PDE10A: variants seen among roughly 807,000 people sequenced by gnomAD.
PDE10A encodes the protein cAMP and cAMP-inhibited cGMP 3',5'-cyclic phosphodiesterase 10A.
A neutral mutation model predicts 97.7 loss-of-function variants in PDE10A; 39 were observed. That is an observed-to-expected ratio of 0.40 (90% CI 0.31 to 0.52). The LOEUF is 0.52. Ranked by LOEUF, PDE10A falls within the 20% of genes least tolerant of loss-of-function variation. The pLI, the probability that PDE10A is intolerant of heterozygous loss-of-function variation, is 0.56. For missense variants in PDE10A, 731 were observed against 1,047.8 expected, an observed-to-expected ratio of 0.70 and a Z score of 4.17; for synonymous variants, 371 against 376.8, an observed-to-expected ratio of 0.98 and a Z score of 0.18.
chr6:165,618,642 A>T (rs1283811869), intron 1 of PDE10A, among the ~76,000 whole-genome samples: 1 of 152,166 alleles, frequency 6.6e-6, no homozygotes, highest in Non-Finnish European at 1.5e-5. Context: ...TAGGCCTCCA[A>T]CAAGGGGGTA....
At chr6:165,854,983 G>A (rs1292250089) in intron 1 of PDE10A, among the ~76,000 whole-genome samples, 2 of 147,588 alleles carry the variant, frequency 1.4e-5, no homozygotes, top group African/African-American at 2.5e-5. Flanking sequence ...GGGGGAAGAG[G>A]AAGAGGAATG....
At chr6:165,485,237 C>T (rs950154884) in intron 2 of PDE10A, among the ~76,000 whole-genome samples, 1 of 152,050 alleles carries the variant, frequency 6.6e-6, no homozygotes, top group African/African-American at 2.4e-5. Flanking sequence ...TTTGAGAGGC[C>T]GAGGCGGATG....
In PDE10A at chr6:165,569,724, A is replaced by G. The variant is rs138215932; in HGVS notation, c.866-26156T>C. 6.0e-4 allele frequency among the ~76,000 whole-genome samples: 91 copies of G among 152,328 alleles called. 1 individual carries two copies. Among genetic ancestry groups the G allele is most frequent in the African/African-American group, 2.1e-3 (86 of 41,580 alleles). The stretch of plus-strand genomic sequence containing the variant: ...ACCAAGGAAGAATGCTTCACAGGAA[A>G]TGTTACTCCCTACTCTCATTCCGGT... On this transcript the variant is annotated intron_variant, in intron 1 of 21. Transcript: ENST00000539869.
intron 2 of PDE10A, among the ~76,000 whole-genome samples, chr6:165,501,673 CTAAA>C (rs1562525869): frequency 6.6e-6 from 1 of 152,088 alleles, no homozygotes; most frequent in Non-Finnish European, 1.5e-5. Context: ...ACTTCAAATC[CTAAA>C]TAAATAGTTA....
At chr6:165,343,213 T>A (rs982158060) in intron 19 of PDE10A, among the ~76,000 whole-genome samples, 178 bp downstream of exon 19, 4 of 152,350 alleles carry the variant, frequency 2.6e-5, no homozygotes, top group South Asian at 2.1e-4. Context: ...GTAAGTAATA[T>A]GTAAAAGAAT....
chr6:165,775,079 T>C (rs997559140), intron 1 of PDE10A: 1 of 152,170 alleles, frequency 6.6e-6, no homozygotes, highest in African/African-American at 2.4e-5. Context: ...CTGGTGCTCA[T>C]CACTGGCCCT....
intron 2 of PDE10A, among the ~76,000 whole-genome samples, chr6:165,492,806 T>C (rs1163907567): frequency 6.6e-6 from 1 of 152,114 alleles, no homozygotes; most frequent in Non-Finnish European, 1.5e-5. Flanking sequence ...CTTTCACCAG[T>C]TCTATTCAAC....
At chr6:165,820,489 C>A (rs115906558) in intron 1 of PDE10A, among the ~76,000 whole-genome samples, 2,105 of 152,252 alleles carry the variant, frequency 0.014, 38 homozygotes, top group African/African-American at 0.047. Flanking sequence ...TAAATGTGAA[C>A]CTTGAATCTT....
intron 2 of PDE10A, among the ~76,000 whole-genome samples, chr6:165,525,840 T>TAG (rs1354523182): frequency 5.1e-5 from 7 of 138,144 alleles, no homozygotes; most frequent in South Asian, 2.4e-4. Flanking sequence ...TGGCATTGGC[T>TAG]AACTAATCAT....
intron 1 of PDE10A, among the ~76,000 whole-genome samples, chr6:165,741,268 G>A (rs1037597812): frequency 2.0e-5 from 3 of 151,912 alleles, no homozygotes; most frequent in African/African-American, 7.3e-5. Context: ...TATTAATTAT[G>A]CCTCATAATT....
intron 3 of PDE10A, among the ~76,000 whole-genome samples, chr6:165,467,048 A>C (rs781368403): frequency 6.6e-6 from 1 of 152,220 alleles, no homozygotes; most frequent in Non-Finnish European, 1.5e-5. Context: ...TCTGGATAGA[A>C]GATCAAACCA....
chr6:165,830,954 A>G (rs1779892916), intron 1 of PDE10A, among the ~76,000 whole-genome samples: 1 of 152,162 alleles, frequency 6.6e-6, no homozygotes, highest in Non-Finnish European at 1.5e-5. Flanking sequence ...AAGCACTTCC[A>G]CTTTTCTCTG....
At chr6:165,770,804 G>C (rs140246637) in intron 1 of PDE10A, among the ~76,000 whole-genome samples, 51 of 152,324 alleles carry the variant, frequency 3.3e-4, no homozygotes, top group Non-Finnish European at 6.5e-4. Flanking sequence ...TTGAGGTCAA[G>C]ACTTCACCTA....
intron 3 of PDE10A, among the ~76,000 whole-genome samples, 176 bp downstream of exon 3, chr6:165,482,139 T>C (rs6901433): frequency 0.084 from 12,793 of 152,230 alleles, 703 homozygotes; most frequent in East Asian, 0.25. Flanking sequence ...CTTGAGGCCT[T>C]CAATTTGCAC....
intron 11 of PDE10A, among the ~76,000 whole-genome samples, chr6:165,417,410 T>A (rs1454484656): frequency 6.6e-6 from 1 of 152,234 alleles, no homozygotes; most frequent in Non-Finnish European, 1.5e-5. Context: ...GAAGCCATAA[T>A]TAAGAAGCCG....
intron 2 of PDE10A, among the ~76,000 whole-genome samples, chr6:165,524,169 G>A (rs963927629): frequency 1.2e-4 from 19 of 152,100 alleles, no homozygotes; most frequent in Non-Finnish European, 2.2e-4. Flanking sequence ...CCTTGTGATC[G>A]TGTGAATTAA....
At chr6:165,958,720 A>AG (rs879305658) in intron 1 of PDE10A, among the ~76,000 whole-genome samples, 693 of 16,764 alleles carry the variant, frequency 0.041, 13 homozygotes, top group East Asian at 0.19. Context: ...AAGAGAGAAG[A>AG]AAGAAAGAAA....
chr6:165,907,696 G>A (rs1782333740), intron 1 of PDE10A, among the ~76,000 whole-genome samples: 1 of 152,250 alleles, frequency 6.6e-6, no homozygotes. Context: ...TGCAGGAGGA[G>A]CGGATGCCTC....
chr6:165,497,972 AG>A (rs1192713561), intron 2 of PDE10A, among the ~76,000 whole-genome samples: 1 of 152,192 alleles, frequency 6.6e-6, no homozygotes, highest in Non-Finnish European at 1.5e-5. Flanking sequence ...TAAACATCTA[AG>A]AAACTTTATA....
Sources: gnomAD v4.1 joint callset for allele counts (sites outside exome capture counted in the v4.1 genomes callset) on GRCh38, gnomAD v4.1.1 for gene constraint, MANE v1.5 for transcripts, NCBI Gene and HGNC (gene_info 2026-07-23, HGNC 2026-07-21) for gene names.